Variants in FZD3 observed in about 807,000 individuals in gnomAD.
The protein encoded by FZD3 is frizzled class receptor 3.
Under a neutral mutation model 60.7 loss-of-function variants are expected in FZD3, and 30 were observed. The observed-to-expected ratio is 0.49, with a 90% CI of 0.37 to 0.67. FZD3 has a LOEUF of 0.67. Ranked by LOEUF, FZD3 falls within the 30% of genes least tolerant of loss-of-function variation. FZD3 has a pLI of 0.00. For synonymous variants in FZD3, 246 were observed against 275.2 expected (o/e 0.89, Z 1.05); for missense variants, 605 against 838.7 (o/e 0.72, Z 3.44).
intron 3 of FZD3, among the ~76,000 whole-genome samples, chr8:28,513,142 A>G (rs1458683221): frequency 1.3e-5 from 2 of 152,142 alleles, no homozygotes; most frequent in African/African-American, 4.8e-5. Context: ...GTCATTTCAG[A>G]CTTTAGGACA....
rs1369533156 is a variant in FZD3 at position 28,565,292 on chromosome 8, A to G, written c.*2281A>G. The G allele has an allele frequency of 6.6e-6, 1 of 152,212 alleles. No homozygotes were observed. The highest frequency in any genetic ancestry group is 1.9e-4 in the East Asian group (1 of 5,200). The allele number at this position is 152,212 out of a possible 1,614,324, so 9.4% of individuals were successfully genotyped here. On this transcript the variant is annotated 3_prime_UTR_variant, in exon 8 of 8. Transcript: ENST00000240093. ...CCTTGGAGCTGGAGTTAATGCTCAA[A>G]GCAGGCAGGTCTGAATTCCCTCATA...
At chr8:28,544,301 C>T (rs975898951) in intron 5 of FZD3, among the ~76,000 whole-genome samples, 1 of 151,920 alleles carries the variant, frequency 6.6e-6, no homozygotes, top group African/African-American at 2.4e-5. Flanking sequence ...TCGGAGAATA[C>T]ATATTGGAAA....
chr8:28,544,693 CAG>C (rs1395613487), intron 5 of FZD3, among the ~76,000 whole-genome samples: 1 of 152,146 alleles, frequency 6.6e-6, no homozygotes, highest in Non-Finnish European at 1.5e-5. Context: ...AAAACATACT[CAG>C]AGTAAAAGCC....
chr8:28,536,955 C>T (rs945137602), intron 5 of FZD3, among the ~76,000 whole-genome samples: 18 of 152,122 alleles, frequency 1.2e-4, no homozygotes, highest in Admixed American at 8.5e-4. Flanking sequence ...GTATGTTTTA[C>T]GCTGCCAACA....
rs898661268 is a variant in FZD3 at position 28,519,885 on chromosome 8, A to G, written c.190-753A>G. Among the ~76,000 whole-genome samples the G allele has an allele frequency of 2.4e-4, 37 of 151,970 alleles. 1 individual carries two copies. Among genetic ancestry groups the G allele is most frequent in the African/African-American group, 8.7e-4 (36 of 41,410 alleles). On this transcript the variant is annotated intron_variant, in intron 3 of 7. Transcript: ENST00000240093. The stretch of plus-strand genomic sequence containing the variant: ...GGTTGTCCTCTCTCTCCTGTTGACA[A>G]TTGTTAATTGAAGAAGATTTAGAAA...
intron 3 of FZD3, among the ~76,000 whole-genome samples, chr8:28,504,157 T>G (rs1269068153): frequency 6.6e-6 from 1 of 152,208 alleles, no homozygotes; most frequent in Non-Finnish European, 1.5e-5. Context: ...GAGACTAACC[T>G]AAGTCTAAGA....
intron 3 of FZD3, among the ~76,000 whole-genome samples, chr8:28,515,576 G>A (rs1364244877): frequency 6.6e-6 from 1 of 152,218 alleles, no homozygotes; most frequent in African/African-American, 2.4e-5. Flanking sequence ...TGTACAGTGT[G>A]TTTACTGGAG....
chr8:28,530,089 CTGTGTGTGTGTGTGTGTGTGTGTGTG>C (rs59022036), intron 5 of FZD3, among the ~76,000 whole-genome samples: 1,588 of 138,584 alleles, frequency 0.011, 15 homozygotes, highest in Middle Eastern at 0.022. Flanking sequence ...TGAAATATAT[CTGTGTGTGTGTGTGTGTGTGTGTGTG>C]TGTGTGTGTG....
In FZD3 at chr8:28,546,434, T is replaced by G. The variant is rs1164834185; in HGVS notation, c.1405-5169T>G. On this transcript the variant is annotated intron_variant, in intron 5 of 7. Transcript: ENST00000240093. ...ACTGTCTGTATTTTCCTTTTTTCAT[T>G]TACATTATTATTGTTTGAATGACTG... 2.6e-5 allele frequency among the ~76,000 whole-genome samples: 4 copies of G among 152,326 alleles called. No individual in the cohort carries two copies. The East Asian group carries it at 7.7e-4, about 29-fold the overall frequency.
chr8:28,536,633 CAA>C (rs1037647298), intron 5 of FZD3, among the ~76,000 whole-genome samples: 1 of 152,112 alleles, frequency 6.6e-6, no homozygotes, highest in Non-Finnish European at 1.5e-5. Context: ...TGCTTGAACC[CAA>C]GAGGTGGAGG....
chr8:28,543,802 A>G (rs1231218257), intron 5 of FZD3, among the ~76,000 whole-genome samples: 1 of 152,192 alleles, frequency 6.6e-6, no homozygotes, highest in Non-Finnish European at 1.5e-5. Flanking sequence ...GAAAAGGAAA[A>G]TAACTTTTGT....
intron 5 of FZD3, among the ~76,000 whole-genome samples, chr8:28,540,429 A>G (rs1805134536): frequency 6.6e-6 from 1 of 152,034 alleles, no homozygotes; most frequent in Non-Finnish European, 1.5e-5. Context: ...GTTTCACCAT[A>G]TTGGTCAGGT....
chr8:28,509,060 A>T (rs1804217029), intron 3 of FZD3, among the ~76,000 whole-genome samples: 1 of 152,232 alleles, frequency 6.6e-6, no homozygotes, highest in Admixed American at 6.5e-5. Flanking sequence ...ATGTACAATC[A>T]AATTATTGTG....
chr8:28,513,499 ATAAACC>A (rs927171736), intron 3 of FZD3, among the ~76,000 whole-genome samples: 2 of 152,208 alleles, frequency 1.3e-5, no homozygotes, highest in African/African-American at 4.8e-5. Context: ...GAACAGGAAA[ATAAACC>A]TATGGGATTA....
In FZD3 at chr8:28,568,778, C is replaced by T. The variant is rs183741702; in HGVS notation, c.*5767C>T. ...TTACTTCCTATAAGACACAGTAGTT[C>T]AATCTGTTGAAAGGCATTGAAGGAT... On this transcript the variant is annotated 3_prime_UTR_variant, in exon 8 of 8. Transcript: ENST00000240093. 1 of 152,224 alleles carries T rather than the reference C, an allele frequency of 6.6e-6. No homozygotes were observed. Among genetic ancestry groups the T allele is most frequent in the East Asian group, 1.9e-4 (1 of 5,188 alleles). The allele number at this position is 152,224 out of a possible 1,614,324, so 9.4% of individuals were successfully genotyped here.
intron 1 of FZD3, among the ~76,000 whole-genome samples, chr8:28,496,883 A>G (rs1299619418): frequency 6.6e-6 from 1 of 152,154 alleles, no homozygotes; most frequent in East Asian, 1.9e-4. Flanking sequence ...AAGCATGCAA[A>G]CCTTACAAAC....
At chr8:28,494,630 G>GAGGGCTA (rs1214117533) in intron 1 of FZD3, among the ~76,000 whole-genome samples, 5 of 152,080 alleles carry the variant, frequency 3.3e-5, no homozygotes, top group African/African-American at 1.2e-4. Flanking sequence ...GCTGAGGGCT[G>GAGGGCTA]AGGGCTAAGG....
chr8:28,527,669 G>A lies in FZD3; in HGVS notation c.909G>A (p.Trp303Ter). The A allele has an allele frequency of 1.2e-6, 2 of 1,614,062 alleles. No individual in the cohort carries two copies. The highest frequency in any genetic ancestry group is 1.7e-5 in the Admixed American group (1 of 60,004). Reference protein sequence around the residue: ...LYFFTMAGSVWWVILTITWFL... With the variant: ...LYFFTMAGSV ...TTTTTACTATGGCTGGCAGTGTATG[G>A]TGGGTAATTCTTACCATCACATGGT... is the stretch of plus-strand genomic sequence containing the variant. The change falls in exon 5 of 8, where the codon TGG becomes TGA. Residue 303 changes from tryptophan (W) to a stop codon, truncating the protein, a stop_gained. Transcript: ENST00000240093. LOFTEE classifies it high-confidence loss of function. The surrounding 1 kb of genome is among the most constrained non-coding windows in gnomAD (Gnocchi z 5.0).
chr8:28,536,114 TAACTC>T (rs1234779448), intron 5 of FZD3, among the ~76,000 whole-genome samples: 2 of 152,230 alleles, frequency 1.3e-5, no homozygotes, highest in Non-Finnish European at 2.9e-5. Context: ...ATTTCGATAT[TAACTC>T]CTGTTATTAC....
Sources: allele counts gnomAD v4.1 joint callset (sites outside exome capture counted in the v4.1 genomes callset), GRCh38; gene constraint gnomAD v4.1.1; non-coding constraint Gnocchi (gnomAD v3.1); transcripts MANE v1.5; gene names NCBI Gene and HGNC (gene_info 2026-07-23, HGNC 2026-07-21).